SCRIB: variants seen among roughly 807,000 people sequenced by gnomAD.
SCRIB encodes the protein protein scribble homolog.
In SCRIB, 72 loss-of-function variants were observed where a neutral mutation model predicts 170.0. The ratio of observed to expected loss-of-function variants is 0.42; its 90% CI spans 0.35 to 0.52. SCRIB has a LOEUF of 0.52. Ranked by LOEUF, SCRIB falls within the 20% of genes least tolerant of loss-of-function variation. SCRIB has a pLI of 0.02. For missense variants in SCRIB, 2,475 were observed against 2,338.5 expected, an observed-to-expected ratio of 1.06 and a Z score of -1.20; for synonymous variants, 1,298 against 1,044.3, an observed-to-expected ratio of 1.24 and a Z score of -4.68.
At chr8:143,795,583 C>T in intron 24 of SCRIB, 53 bp from the exon 25 acceptor site, 1 of 1,463,134 alleles carries the variant, frequency 6.8e-7, no homozygotes, top group Non-Finnish European at 9.4e-7. Context: ...GGGGTCCCAC[C>T]TCTGGGGCAG....
chr8:143,792,223 G>A lies in SCRIB; in HGVS notation c.4511C>T (p.Ala1504Val). The change falls in exon 32 of 37, where the codon GCC becomes GTC. Residue 1504 changes from alanine to valine, a missense_variant. Physicochemically the swap from Ala to Val is moderately conservative, Grantham distance 64. Coordinates refer to ENST00000356994, the MANE Select transcript of SCRIB (RefSeq NM_182706.5). Reference sequence around the variant, plus strand: ...GCGACCCCACACAGGGGCTCACCTGGCTGCCCTCCACAGCGCACGCTTCTC... The same window carrying A: ...GCGACCCCACACAGGGGCTCACCTGACTGCCCTCCACAGCGCACGCTTCTC... ...EAEKRALWRA[A>V]RMKSLEQDAL... 1 of 1,560,696 alleles carries A rather than the reference G, an allele frequency of 6.4e-7. No homozygotes were observed.
At chr8:143,808,506 C>G (rs1426297507) in intron 15 of SCRIB, 103 bp downstream of exon 15, 1 of 1,395,548 alleles carries the variant, frequency 7.2e-7, no homozygotes. Context: ...TCCGGGTGGC[C>G]AGGGGCCAGT....
intron 9 of SCRIB, 130 bp downstream of exon 9, chr8:143,812,136 G>A (rs954575716): frequency 1.3e-5 from 10 of 743,004 alleles, no homozygotes; most frequent in Non-Finnish European, 2.5e-5. Context: ...GACAAGAGAA[G>A]AGCCCTTCCT....
intron 24 of SCRIB, among the ~76,000 whole-genome samples, chr8:143,798,497 T>C (rs1459355506): frequency 7.9e-5 from 12 of 152,048 alleles, no homozygotes; most frequent in Non-Finnish European, 1.0e-4. Flanking sequence ...TTTTTTAGAG[T>C]CTGTCTTGCT....
At chr8:143,814,242 G>C in intron 1 of SCRIB, 124 bp from the exon 2 acceptor site, 1 of 764,986 alleles carries the variant, frequency 1.3e-6, no homozygotes, top group Non-Finnish European at 2.1e-6. Flanking sequence ...GTCACACCGG[G>C]TCCTGGGGTC....
chr8:143,806,604 G>C, intron 17 of SCRIB, 120 bp from the exon 18 acceptor site: 1 of 808,202 alleles, frequency 1.2e-6, no homozygotes, highest in Non-Finnish European at 2.0e-6. Flanking sequence ...TGGCCAGCAG[G>C]AGGACTGAGC....
At chr8:143,814,294 C>CAA (rs1253451814) in intron 1 of SCRIB, among the ~76,000 whole-genome samples, 176 bp from the exon 2 acceptor site, 4 of 152,130 alleles carry the variant, frequency 2.6e-5, no homozygotes, top group African/African-American at 9.7e-5. Context: ...AAGAAACACA[C>CAA]GGTACACACG....
intron 11 of SCRIB, 41 bp downstream of exon 11, chr8:143,810,865 G>A (rs772975783): frequency 7.5e-6 from 12 of 1,607,794 alleles, no homozygotes; most frequent in Middle Eastern, 1.6e-4. Flanking sequence ...AACCCTGCCT[G>A]AGAGCCACCC....
At position 143,808,919 on chromosome 8, in the gene SCRIB, A is replaced by G; in HGVS notation, c.1805T>C (p.Leu602Pro). 6.2e-7 allele frequency: 1 copy of G among 1,611,442 alleles called. No homozygotes were observed. Among genetic ancestry groups the G allele is most frequent in the Non-Finnish European group, 8.5e-7 (1 of 1,179,970 alleles). The change falls in exon 15 of 37, where the codon CTC becomes CCC. Residue 602 changes from leucine to proline, a missense_variant. This residue lies in a region of SCRIB where 1,966 missense variants were observed against 1,742.9 expected (regional missense o/e 1.13). Transcript: ENST00000356994. ...PWTLPGGRQR[L>P]IRKDTPHYKK... is the part of the protein sequence containing the mutation. ...GTAGTGAGGTGTGTCCTTGCGGATG[A>G]GCCGCTGCCTCCCGCCTGGCAGGGT...
At chr8:143,803,618 C>A (rs1554635492) in intron 23 of SCRIB, 29 bp downstream of exon 23, 64 of 873,044 alleles carry the variant, frequency 7.3e-5, no homozygotes, top group Non-Finnish European at 9.7e-5. Flanking sequence ...GGGTGGGGCC[C>A]AGGGCGGGCT....
At position 143,790,936 on chromosome 8, in the gene SCRIB, C is replaced by CAACT. The variant is rs1299489336; in HGVS notation, c.*223_*226dup. 2 of 427,734 alleles carry CAACT rather than the reference C, an allele frequency of 4.7e-6. No individual in the cohort carries two copies. Among genetic ancestry groups the CAACT allele is most frequent in the African/African-American group, 2.0e-5 (1 of 49,036 alleles). 26.5% of individuals were successfully genotyped at this position (427,734 alleles called of 1,614,324 possible). Reference sequence around the variant, plus strand: ...AGGCAGACGGGAGGTAAAATGTAGTCAACTTTATTCTCCTTAAACCACAAA... The same window carrying CAACT: ...AGGCAGACGGGAGGTAAAATGTAGTCAACTAACTTTATTCTCCTTAAACCACAAA... On this transcript the variant is annotated 3_prime_UTR_variant, in exon 37 of 37. Coordinates refer to ENST00000356994, the MANE Select transcript of SCRIB (RefSeq NM_182706.5).
intron 27 of SCRIB, 175 bp from the exon 28 acceptor site, chr8:143,794,137 G>A (rs1349572173): frequency 6.6e-5 from 40 of 607,598 alleles, no homozygotes; most frequent in East Asian, 1.1e-4. Flanking sequence ...GCTCGTCCCC[G>A]TTCCCACAGG....
chr8:143,803,774 G>A lies in SCRIB; in HGVS notation c.3287C>T (p.Pro1096Leu), dbSNP rs781812456. The A allele has an allele frequency of 2.1e-5, 34 of 1,601,812 alleles. No homozygotes were observed. In the East Asian group the frequency reaches 4.0e-4, roughly 19 times the overall value. Residue 1096 changes from proline (P) to leucine (L), a missense_variant, in exon 23 of 37, where the codon CCG becomes CTG. Around this residue, in one of 3 missense-constraint regions of SCRIB, gnomAD observed 1,966 missense variants for 1,742.9 expected, o/e 1.13. Coordinates refer to ENST00000356994, the MANE Select transcript of SCRIB (RefSeq NM_182706.5). ...CTGGATGCACAGTTCCCGTAGGCCC[G>A]GGGGTGCCGGGTCCCTCCGCACCAG... ...SLLVRRDPAP[P>L]GLRELCIQKA...
chr8:143,813,179 C>T, intron 6 of SCRIB, 75 bp from the exon 7 acceptor site: 1 of 1,583,854 alleles, frequency 6.3e-7, no homozygotes. Context: ...AGACTATACG[C>T]CCCCACACCC....
intron 14 of SCRIB, 37 bp from the exon 15 acceptor site, chr8:143,809,062 G>A: frequency 1.3e-6 from 2 of 1,574,970 alleles, no homozygotes; most frequent in Non-Finnish European, 1.7e-6. Flanking sequence ...CCCCAGCTCT[G>A]TGGCTGTGCT....
chr8:143,807,222 G>A (rs994031820), intron 16 of SCRIB, among the ~76,000 whole-genome samples: 5 of 152,264 alleles, frequency 3.3e-5, no homozygotes, highest in Non-Finnish European at 5.9e-5. Flanking sequence ...TCTGCAGAGC[G>A]TGGTGGGCTG....
At chr8:143,807,110 C>T (rs1208984217) in intron 16 of SCRIB, 97 bp from the exon 17 acceptor site, 5 of 902,118 alleles carry the variant, frequency 5.5e-6, no homozygotes, top group East Asian at 2.6e-5. Flanking sequence ...CCATTTCTGG[C>T]TTTTCTCTAG....
chr8:143,802,297 C>T (rs182607365), intron 24 of SCRIB, among the ~76,000 whole-genome samples: 20 of 152,350 alleles, frequency 1.3e-4, no homozygotes, highest in Non-Finnish European at 2.5e-4. Context: ...AAGGGGCCCC[C>T]ACGCTGGCTG....
intron 14 of SCRIB, 73 bp from the exon 15 acceptor site, chr8:143,809,098 T>C (rs1343402183): frequency 3.0e-5 from 45 of 1,519,234 alleles, no homozygotes; most frequent in Non-Finnish European, 4.0e-5. Context: ...TACTAAACAG[T>C]GTGGCCACAG....
Sources: gnomAD v4.1 joint callset for allele counts (sites outside exome capture counted in the v4.1 genomes callset) on GRCh38, gnomAD v4.1.1 for gene constraint, gnomAD v4.1.1 regional missense constraint, MANE v1.5 for transcripts, NCBI Gene and HGNC (gene_info 2026-07-23, HGNC 2026-07-21) for gene names.